SIAH2: variants seen among roughly 807,000 people sequenced by gnomAD.
The protein encoded by SIAH2 is E3 ubiquitin-protein ligase SIAH2.
SIAH2 carries 4 observed loss-of-function variants against 20.4 expected under a neutral mutation model. The observed-to-expected ratio is 0.20, with a 90% CI of 0.10 to 0.45. The LOEUF is 0.45. SIAH2 is among the 20% of genes least tolerant of loss of function. The pLI, the probability that SIAH2 is intolerant of heterozygous loss-of-function variation, is 0.99. For synonymous variants in SIAH2, 171 were observed against 192.5 expected, an observed-to-expected ratio of 0.89 and a Z score of 0.93; for missense variants, 259 against 440.3, an observed-to-expected ratio of 0.59 and a Z score of 3.69.
Position 150,752,470 on chromosome 3 carries a change from G to A in SIAH2, c.418-9772C>T, listed in dbSNP as rs559707502. 5.9e-5 allele frequency among the ~76,000 whole-genome samples: 9 copies of A among 152,298 alleles called. No homozygotes were observed. The South Asian group carries it at 1.7e-3, about 28-fold the overall frequency. On this transcript the variant is annotated intron_variant, in intron 1 of 1. Transcript: ENST00000312960. Reference sequence around the variant, plus strand: ...CTGAAAATACAAAAATTATCCGGGCGTGATGGCATGAGCCTGAAATGCCAG... The same window carrying A: ...CTGAAAATACAAAAATTATCCGGGCATGATGGCATGAGCCTGAAATGCCAG...
In SIAH2 at chr3:150,741,830, A is replaced by C; in HGVS notation, c.*311T>G. ...GAAGGCAGGCAGGAAGGGGCCTCCC[A>C]TTCCTAACACACTGATCTATAGAAG... is the stretch of plus-strand genomic sequence containing the variant. On this transcript the variant is annotated 3_prime_UTR_variant, in exon 2 of 2. Transcript: ENST00000312960. 4.3e-6 allele frequency: 1 copy of C among 233,196 alleles called. No individual in the cohort carries two copies. The highest frequency in any genetic ancestry group is 1.2e-4 in the South Asian group (1 of 8,346). The allele number at this position is 233,196 out of a possible 1,614,324, so 14.4% of individuals were successfully genotyped here.
At chr3:150,753,114 T>C (rs945630141) in intron 1 of SIAH2, among the ~76,000 whole-genome samples, 3 of 152,232 alleles carry the variant, frequency 2.0e-5, no homozygotes, top group African/African-American at 2.4e-5. Flanking sequence ...GGTGCCACCA[T>C]GGCAGCAAGG....
At chr3:150,750,391 T>C (rs1714330416) in intron 1 of SIAH2, among the ~76,000 whole-genome samples, 1 of 152,238 alleles carries the variant, frequency 6.6e-6, no homozygotes, top group Non-Finnish European at 1.5e-5. Flanking sequence ...TGGAATGTTT[T>C]CCACCATGTT....
At chr3:150,755,521 T>A (rs888148378) in intron 1 of SIAH2, among the ~76,000 whole-genome samples, 4 of 151,530 alleles carry the variant, frequency 2.6e-5, no homozygotes, top group South Asian at 4.2e-4. Context: ...TTATTTATTT[T>A]TTTTATTTTT....
At chr3:150,752,596 G>A (rs1262050554) in intron 1 of SIAH2, among the ~76,000 whole-genome samples, 1 of 151,842 alleles carries the variant, frequency 6.6e-6, no homozygotes, top group African/African-American at 2.4e-5. Flanking sequence ...GCGACAGAGC[G>A]AGACTCCATC....
Position 150,762,405 on chromosome 3 carries a change from G to A in SIAH2, c.417+28C>T, listed in dbSNP as rs1157515704. On this transcript the variant is annotated intron_variant, in intron 1 of 1. Coordinates refer to ENST00000312960, the MANE Select transcript of SIAH2 (RefSeq NM_005067.7). This position sits in a 1 kb window ranked among gnomAD's most constrained non-coding sequence, Gnocchi z 6.6. ...ACCGGAGTCCCTGAGGTCACCGGCGGAGGTACGTGGGCTGTCCCTGGGCTT... is the reference window on the plus strand; with the variant it reads ...ACCGGAGTCCCTGAGGTCACCGGCGAAGGTACGTGGGCTGTCCCTGGGCTT... 1.1e-5 allele frequency: 18 copies of A among 1,592,022 alleles called. No individual in the cohort carries two copies. Among genetic ancestry groups the A allele is most frequent in the Non-Finnish European group, 1.5e-5 (18 of 1,170,582 alleles).
chr3:150,755,503 G>C (rs1328654900), intron 1 of SIAH2, among the ~76,000 whole-genome samples: 1 of 150,282 alleles, frequency 6.7e-6, no homozygotes. Context: ...GCTAATTTTT[G>C]TATTTATTTA....
chr3:150,757,659 A>G (rs1714513404), intron 1 of SIAH2, among the ~76,000 whole-genome samples: 1 of 152,018 alleles, frequency 6.6e-6, no homozygotes, highest in Admixed American at 6.6e-5. Context: ...AGCCAATGCT[A>G]GAAAAAAAAT....
At chr3:150,748,540 G>C (rs967504472) in intron 1 of SIAH2, among the ~76,000 whole-genome samples, 2 of 152,190 alleles carry the variant, frequency 1.3e-5, no homozygotes, top group African/African-American at 2.4e-5. Flanking sequence ...AGCAGCATGT[G>C]CTCCACAGCA....
intron 1 of SIAH2, among the ~76,000 whole-genome samples, chr3:150,760,195 C>A (rs1714573287): frequency 1.3e-5 from 2 of 152,240 alleles, no homozygotes; most frequent in Middle Eastern, 3.4e-3. Flanking sequence ...GCTGAGCTGC[C>A]CTGCCAATAG....
chr3:150,746,698 C>A (rs1045407457), intron 1 of SIAH2, among the ~76,000 whole-genome samples: 3 of 152,098 alleles, frequency 2.0e-5, no homozygotes, highest in African/African-American at 4.8e-5. Context: ...AGTTGAGAAC[C>A]ACTGACTCTG....
chr3:150,744,239 A>ATT (rs1714163165), intron 1 of SIAH2, among the ~76,000 whole-genome samples: 1 of 152,274 alleles, frequency 6.6e-6, no homozygotes, highest in African/African-American at 2.4e-5. Context: ...TCTCAGGGGG[A>ATT]TTAGTCTCCC....
chr3:150,755,017 T>C (rs1714453188), intron 1 of SIAH2, among the ~76,000 whole-genome samples: 1 of 152,204 alleles, frequency 6.6e-6, no homozygotes. Flanking sequence ...ATTTAGTTTC[T>C]GTTAGCTTCT....
intron 1 of SIAH2, among the ~76,000 whole-genome samples, chr3:150,759,203 G>T (rs558545847): frequency 3.9e-5 from 6 of 152,050 alleles, no homozygotes; most frequent in Non-Finnish European, 8.8e-5. Context: ...TAATGCATCC[G>T]GTTCCCCATA....
intron 1 of SIAH2, among the ~76,000 whole-genome samples, chr3:150,758,226 G>A (rs533452519): frequency 6.6e-6 from 1 of 152,086 alleles, no homozygotes; most frequent in Admixed American, 6.6e-5. Context: ...TCCAGCTGAG[G>A]CTTTCAAATT....
intron 1 of SIAH2, among the ~76,000 whole-genome samples, chr3:150,745,199 G>A (rs1056117981): frequency 6.6e-6 from 1 of 150,858 alleles, no homozygotes; most frequent in African/African-American, 2.4e-5. Context: ...ATAACAACTG[G>A]TGCCACTTTT....
At chr3:150,744,417 T>C (rs1181400100) in intron 1 of SIAH2, among the ~76,000 whole-genome samples, 1 of 152,256 alleles carries the variant, frequency 6.6e-6, no homozygotes, top group Non-Finnish European at 1.5e-5. Context: ...TCTGAACTAA[T>C]TTCTAAAGCC....
intron 1 of SIAH2, among the ~76,000 whole-genome samples, chr3:150,756,050 A>G (rs1383572992): frequency 6.6e-6 from 1 of 152,262 alleles, no homozygotes; most frequent in Non-Finnish European, 1.5e-5. Context: ...AAATCATTAC[A>G]TAAAATCTTT....
intron 1 of SIAH2, among the ~76,000 whole-genome samples, chr3:150,749,766 A>G (rs1191972877): frequency 2.0e-5 from 3 of 152,232 alleles, no homozygotes; most frequent in Non-Finnish European, 2.9e-5. Context: ...ATGAATTGTC[A>G]TAATAACCAA....
Sources: allele counts gnomAD v4.1 joint callset (sites outside exome capture counted in the v4.1 genomes callset), GRCh38; gene constraint gnomAD v4.1.1; non-coding constraint Gnocchi (gnomAD v3.1); transcripts MANE v1.5; gene names NCBI Gene and HGNC (gene_info 2026-07-23, HGNC 2026-07-21).